The following DGKI variants were observed in gnomAD, a reference collection of about 807,000 sequenced individuals.
DGKI encodes the protein DAG kinase iota.
DGKI carries 55 observed loss-of-function variants against 147.5 expected under a neutral mutation model. The observed-to-expected ratio is 0.37, with a 90% CI of 0.30 to 0.47. The LOEUF (loss-of-function observed/expected upper bound fraction) is 0.47, where lower values mean the gene tolerates loss of function less well. Among genes scored for constraint, DGKI ranks in the 20% least tolerant of loss-of-function variants. The pLI, the probability that DGKI is intolerant of heterozygous loss-of-function variation, is 1.00. For missense variants in DGKI, 1,007 were observed against 1,323.8 expected (o/e 0.76, Z 3.71); for synonymous variants, 469 against 477.1 (o/e 0.98, Z 0.22).
At chr7:137,777,215 G>A (rs973862023) in intron 1 of DGKI, among the ~76,000 whole-genome samples, 6 of 151,874 alleles carry the variant, frequency 4.0e-5, no homozygotes, top group East Asian at 3.9e-4. Context: ...AGGATGAGGC[G>A]GGAGAAACTT....
intron 1 of DGKI, among the ~76,000 whole-genome samples, chr7:137,823,872 TGA>T (rs1487205271): frequency 6.6e-6 from 1 of 152,208 alleles, no homozygotes; most frequent in Non-Finnish European, 1.5e-5. Flanking sequence ...TAAGTCCATA[TGA>T]GAATAAGTTT....
chr7:137,571,141 C>T lies in DGKI; in HGVS notation c.1947+34G>A, dbSNP rs371922830. On this transcript the variant is annotated intron_variant, in intron 19 of 32. Transcript: ENST00000614521. ...TTGAATAAACTCTGTGACTAAAATACATTTCATTTTAATAAAACAGTTATA... is the reference window on the plus strand; with the variant it reads ...TTGAATAAACTCTGTGACTAAAATATATTTCATTTTAATAAAACAGTTATA... The T allele has an allele frequency of 4.1e-6, 6 of 1,461,614 alleles. No individual in the cohort carries two copies. The African/African-American group carries it at 4.3e-5, about 11-fold the overall frequency. 90.5% of individuals were successfully genotyped at this position (1,461,614 alleles called of 1,614,324 possible).
chr7:137,656,945 C>A (rs933648200), intron 3 of DGKI, among the ~76,000 whole-genome samples: 4 of 152,136 alleles, frequency 2.6e-5, no homozygotes, highest in Admixed American at 2.6e-4. Context: ...AGGGGCAAGA[C>A]CAACATCCAA....
chr7:137,602,952 C>T (rs1247744790), intron 10 of DGKI, among the ~76,000 whole-genome samples: 2 of 151,650 alleles, frequency 1.3e-5, no homozygotes, highest in African/African-American at 4.8e-5. Flanking sequence ...GTAGATATAC[C>T]TCACTGGCCA....
chr7:137,701,432 CATG>C (rs1823980503), intron 1 of DGKI, among the ~76,000 whole-genome samples: 1 of 152,038 alleles, frequency 6.6e-6, no homozygotes, highest in South Asian at 2.1e-4. Context: ...TTGCAAATGT[CATG>C]ATTACTTGAA....
chr7:137,764,495 G>A (rs1373535219), intron 1 of DGKI, among the ~76,000 whole-genome samples: 9 of 151,990 alleles, frequency 5.9e-5, no homozygotes, highest in African/African-American at 2.2e-4. Context: ...AGTTCATTTC[G>A]TTCATTTCCA....
At chr7:137,555,188 A>G (rs1378462751) in intron 19 of DGKI, among the ~76,000 whole-genome samples, 2 of 149,838 alleles carry the variant, frequency 1.3e-5, no homozygotes, top group Non-Finnish European at 3.0e-5. Flanking sequence ...TGCTGGGATT[A>G]CAGGTGTGAG....
rs1489661746 is a variant in DGKI at position 137,385,242 on chromosome 7, C to T, written c.*5978G>A. ...CTTTTGACTAGCTCTTAAATTCATG[C>T]TTAGTTTAAAATTTTTTAAATGATA... On this transcript the variant is annotated 3_prime_UTR_variant, in exon 33 of 33. Coordinates refer to ENST00000614521, the MANE Select transcript of DGKI (RefSeq NM_001321708.2). 1 of 151,958 alleles carries T rather than the reference C, an allele frequency of 6.6e-6. No homozygotes were observed. Among genetic ancestry groups the T allele is most frequent in the Non-Finnish European group, 1.5e-5 (1 of 67,980 alleles). The allele number at this position is 151,958 out of a possible 1,614,324, so 9.4% of individuals were successfully genotyped here. A position where few individuals can be genotyped will look rare whatever the true frequency, so the allele number is the denominator to read the frequency against.
intron 1 of DGKI, among the ~76,000 whole-genome samples, chr7:137,800,317 T>C (rs1370070666): frequency 6.6e-6 from 1 of 152,164 alleles, no homozygotes; most frequent in African/African-American, 2.4e-5. Context: ...TCCCCAGTGT[T>C]GGAGGTGGGG....
rs181214452 is a variant in DGKI at position 137,521,835 on chromosome 7, G to A, written c.2248+31C>T. ...TCAAGAAGCTGAAGATAGGCTGATC[G>A]CATGAAATCAATGAGGCACTTCCAA... On this transcript the variant is annotated intron_variant, in intron 21 of 32. Transcript: ENST00000614521. The A allele has an allele frequency of 1.1e-4, 163 of 1,471,230 alleles. No individual in the cohort carries two copies. The African/African-American group carries it at 2.0e-3, about 18-fold the overall frequency. The allele number at this position is 1,471,230 out of a possible 1,614,324, so 91.1% of individuals were successfully genotyped here.
chr7:137,531,494 T>C (rs1817336692), intron 20 of DGKI, among the ~76,000 whole-genome samples: 1 of 152,176 alleles, frequency 6.6e-6, no homozygotes, highest in Non-Finnish European at 1.5e-5. Flanking sequence ...TTCATCACTA[T>C]ACTTAGTGGA....
chr7:137,813,728 G>A (rs1213378489), intron 1 of DGKI, among the ~76,000 whole-genome samples: 2 of 152,132 alleles, frequency 1.3e-5, no homozygotes, highest in Non-Finnish European at 2.9e-5. Context: ...TTTGCCATGA[G>A]ACAGATGGAA....
intron 21 of DGKI, among the ~76,000 whole-genome samples, chr7:137,519,689 T>C (rs1816898067): frequency 6.6e-6 from 1 of 152,074 alleles, no homozygotes; most frequent in Non-Finnish European, 1.5e-5. Context: ...AGCCTTCCCA[T>C]GAATCTGTAT....
At chr7:137,783,694 G>C (rs1288942886) in intron 1 of DGKI, among the ~76,000 whole-genome samples, 2 of 152,182 alleles carry the variant, frequency 1.3e-5, no homozygotes, top group African/African-American at 4.8e-5. Context: ...CCAAAGTCCA[G>C]ACAAAGGAAA....
At chr7:137,784,047 C>T (rs140231225) in intron 1 of DGKI, among the ~76,000 whole-genome samples, 1 of 152,032 alleles carries the variant, frequency 6.6e-6, no homozygotes, top group Non-Finnish European at 1.5e-5. Flanking sequence ...ACCTATATAA[C>T]AATAACACAG....
At chr7:137,509,593 C>CT (rs1816506504) in intron 21 of DGKI, among the ~76,000 whole-genome samples, 1 of 152,078 alleles carries the variant, frequency 6.6e-6, no homozygotes, top group African/African-American at 2.4e-5. Flanking sequence ...GCAAAGAAGG[C>CT]GGCAGCAGAG....
At chr7:137,844,339 G>A (rs554578009) in intron 1 of DGKI, among the ~76,000 whole-genome samples, 2 of 152,314 alleles carry the variant, frequency 1.3e-5, no homozygotes, top group East Asian at 3.9e-4. Context: ...GGTTTGGATG[G>A]GGAGGGTTTA....
chr7:137,495,619 G>A (rs1815938266), intron 21 of DGKI, among the ~76,000 whole-genome samples: 2 of 151,270 alleles, frequency 1.3e-5, no homozygotes, highest in African/African-American at 4.9e-5. Flanking sequence ...CCATGGTCAA[G>A]TAGGCTTTAT....
chr7:137,517,411 G>A lies in DGKI; in HGVS notation c.2248+4455C>T, dbSNP rs559427037. On this transcript the variant is annotated intron_variant, in intron 21 of 32. Coordinates refer to ENST00000614521, the MANE Select transcript of DGKI (RefSeq NM_001321708.2). ...AGGGAGGGAGAAAGAGAGAGAAAGA[G>A]AGAGAAAGAAAGAAAGATAAAAAAA... Among the ~76,000 whole-genome samples the A allele has an allele frequency of 2.1e-3, 315 of 147,524 alleles. 3 individuals are homozygous for A. The highest frequency in any genetic ancestry group is 8.0e-3 in the African/African-American group (300 of 37,610).
Sources: gnomAD v4.1 joint callset for allele counts (sites outside exome capture counted in the v4.1 genomes callset) on GRCh38, gnomAD v4.1.1 for gene constraint, MANE v1.5 for transcripts, NCBI Gene and HGNC (gene_info 2026-07-23, HGNC 2026-07-21) for gene names.